The following EPB41L4A variants were observed in gnomAD, a reference collection of about 807,000 sequenced individuals.
The protein encoded by EPB41L4A is erythrocyte membrane protein band 4.1 like 4A, also known as band 4.1-like protein 4A.
In EPB41L4A, 100 loss-of-function variants were observed where a neutral mutation model predicts 108.6. The observed-to-expected ratio is 0.92, with a 90% CI of 0.78 to 1.09. EPB41L4A has a LOEUF of 1.09. Among genes scored for constraint, EPB41L4A ranks in the 50% least tolerant of loss-of-function variants. The pLI, the probability that EPB41L4A is intolerant of heterozygous loss-of-function variation, is 0.00. For missense variants in EPB41L4A, 1,030 were observed against 842.7 expected, an observed-to-expected ratio of 1.22 and a Z score of -2.75; for synonymous variants, 319 against 289.0, an observed-to-expected ratio of 1.10 and a Z score of -1.05.
intron 16 of EPB41L4A, 67 bp downstream of exon 16, chr5:112,195,594 C>G (rs1433675022): frequency 3.7e-6 from 5 of 1,367,810 alleles, no homozygotes; most frequent in Non-Finnish European, 5.2e-6. Context: ...CTTTCCTTAA[C>G]TCTGAGCATT....
intron 3 of EPB41L4A, among the ~76,000 whole-genome samples, chr5:112,278,522 G>A (rs1043833429): frequency 6.6e-6 from 1 of 151,874 alleles, no homozygotes; most frequent in African/African-American, 2.4e-5. Flanking sequence ...AAACTGCTGG[G>A]ATTACAGGCA....
chr5:112,416,503 T>C (rs1188236982), intron 1 of EPB41L4A, among the ~76,000 whole-genome samples: 1 of 152,048 alleles, frequency 6.6e-6, no homozygotes, highest in Non-Finnish European at 1.5e-5. Flanking sequence ...TTTTGAAAAA[T>C]AGAGATTTTT....
intron 1 of EPB41L4A, among the ~76,000 whole-genome samples, chr5:112,400,565 G>A (rs1347795857): frequency 6.6e-6 from 1 of 152,020 alleles, no homozygotes; most frequent in Non-Finnish European, 1.5e-5. Flanking sequence ...AGAGGGAGGT[G>A]CCACACACTT....
Position 112,288,621 on chromosome 5 carries a change from T to C in EPB41L4A, c.205-8298A>G, listed in dbSNP as rs559447023. On this transcript the variant is annotated intron_variant, in intron 2 of 22. Coordinates refer to ENST00000261486, the MANE Select transcript of EPB41L4A (RefSeq NM_022140.5). ...AAAACTAGTATTATGGACTAGTAAT[T>C]GTTGTGTGCCTCCTGTTTTGCCCCT... 5.4e-4 allele frequency among the ~76,000 whole-genome samples: 82 copies of C among 152,272 alleles called. No individual in the cohort carries two copies. In the South Asian group the frequency reaches 0.017, roughly 31 times the overall value.
intron 1 of EPB41L4A, among the ~76,000 whole-genome samples, chr5:112,326,928 T>G (rs1756203130): frequency 6.6e-6 from 1 of 152,180 alleles, no homozygotes; most frequent in South Asian, 2.1e-4. Flanking sequence ...AAATATTCAC[T>G]GATCACCTAC....
At chr5:112,309,446 C>G (rs1381526544) in intron 1 of EPB41L4A, among the ~76,000 whole-genome samples, 3 of 152,114 alleles carry the variant, frequency 2.0e-5, no homozygotes, top group Admixed American at 6.5e-5. Flanking sequence ...ATTGACAGAC[C>G]AGATGACGTG....
intron 12 of EPB41L4A, among the ~76,000 whole-genome samples, chr5:112,152,798 A>G (rs1213532597): frequency 6.6e-6 from 1 of 152,264 alleles, no homozygotes; most frequent in African/African-American, 2.4e-5. Flanking sequence ...ATGTGAAATC[A>G]TGAAGAAAAA....
At chr5:112,291,608 C>T (rs936851034) in intron 2 of EPB41L4A, among the ~76,000 whole-genome samples, 3 of 152,196 alleles carry the variant, frequency 2.0e-5, no homozygotes, top group Non-Finnish European at 2.9e-5. Flanking sequence ...TAAGACCTTT[C>T]CCTGTGTTCA....
At chr5:112,330,878 G>T (rs748137679) in intron 1 of EPB41L4A, among the ~76,000 whole-genome samples, 12 of 152,160 alleles carry the variant, frequency 7.9e-5, no homozygotes, top group Non-Finnish European at 1.3e-4. Context: ...CAGTTAGGAG[G>T]ATGGAGTGTG....
rs538800952 is a variant in EPB41L4A, at chr5:112,162,873, C to A, written c.*2117G>T. ...GGAATGACATATACAGAGGCTTGGGCTAGAAAAAAGATACCGTTAGTCCAC... is the reference window on the plus strand; with the variant it reads ...GGAATGACATATACAGAGGCTTGGGATAGAAAAAAGATACCGTTAGTCCAC... On this transcript the variant is annotated 3_prime_UTR_variant, in exon 23 of 23. Coordinates refer to ENST00000261486, the MANE Select transcript of EPB41L4A (RefSeq NM_022140.5). The A allele has an allele frequency of 6.6e-6, 1 of 152,268 alleles. No homozygotes were observed. Among genetic ancestry groups the A allele is most frequent in the Admixed American group, 6.5e-5 (1 of 15,302 alleles). 9.4% of individuals were successfully genotyped at this position (152,268 alleles called of 1,614,324 possible). A position where few individuals can be genotyped will look rare whatever the true frequency, so the allele number is the denominator to read the frequency against.
intron 1 of EPB41L4A, among the ~76,000 whole-genome samples, chr5:112,394,067 C>T (rs1761155809): frequency 6.6e-6 from 1 of 152,136 alleles, no homozygotes; most frequent in Non-Finnish European, 1.5e-5. Flanking sequence ...TCTCAATAAA[C>T]TAGGTATTGA....
intron 1 of EPB41L4A, among the ~76,000 whole-genome samples, chr5:112,382,134 T>C (rs990745610): frequency 6.6e-6 from 1 of 152,244 alleles, no homozygotes; most frequent in Non-Finnish European, 1.5e-5. Context: ...TTAACATCCA[T>C]TCTGGCTTTT....
At chr5:112,178,403 A>G (rs2150222561) in intron 18 of EPB41L4A, among the ~76,000 whole-genome samples, 1 of 152,264 alleles carries the variant, frequency 6.6e-6, no homozygotes, top group South Asian at 2.1e-4. Flanking sequence ...TGAAAAGTAG[A>G]TGAAGAAATA....
At chr5:112,410,613 C>A (rs1186423089) in intron 1 of EPB41L4A, among the ~76,000 whole-genome samples, 1 of 152,106 alleles carries the variant, frequency 6.6e-6, no homozygotes, top group East Asian at 1.9e-4. Context: ...CCACAACTCT[C>A]CTCCTTCCTT....
intron 12 of EPB41L4A, among the ~76,000 whole-genome samples, chr5:112,225,119 C>G (rs1219005558): frequency 6.6e-6 from 1 of 152,206 alleles, no homozygotes; most frequent in Non-Finnish European, 1.5e-5. Flanking sequence ...AAGTGATTCT[C>G]ATCCAGACAT....
chr5:112,291,216 G>A (rs1429973999), intron 2 of EPB41L4A, among the ~76,000 whole-genome samples: 1 of 152,118 alleles, frequency 6.6e-6, no homozygotes, highest in African/African-American at 2.4e-5. Context: ...ATGTTATGGG[G>A]GCCCTGCCCA....
rs76010084 is a variant in EPB41L4A at position 112,177,504 on chromosome 5, C to T, written c.1622+6512G>A. On this transcript the variant is annotated intron_variant, in intron 18 of 22. Coordinates refer to ENST00000261486, the MANE Select transcript of EPB41L4A (RefSeq NM_022140.5). ...TGCCATCTAGGGTCATATATTCACA[C>T]ATTATGGAGATTAAGCCATGGACAT... Among the ~76,000 whole-genome samples the T allele has an allele frequency of 4.1e-3, 619 of 152,300 alleles. 8 individuals are homozygous for T. The highest frequency in any genetic ancestry group is 0.014 in the African/African-American group (579 of 41,556).
rs1271878726 is a variant in EPB41L4A, at chr5:112,195,664, C to T, written c.1421G>A (p.Arg474Lys). The part of the protein sequence containing the change: ...SGEDSDLKQR[R>K]RSRSRCNTSS... ...CCTTCCATTTTTGTTTTTTTACCTC[C>T]TCCTTTGCTTAAGATCTGAATCTTC... is the stretch of plus-strand genomic sequence containing the variant. Residue 474 changes from arginine to lysine, a missense_variant, in exon 16 of 23, where the codon AGG becomes AAG. By Grantham distance (26) the Arg-to-Lys change is conservative. Transcript: ENST00000261486. The T allele has an allele frequency of 1.9e-6, 3 of 1,613,176 alleles. No individual in the cohort carries two copies. The highest frequency in any genetic ancestry group is 2.5e-6 in the Non-Finnish European group (3 of 1,179,482).
chr5:112,400,422 T>C (rs546136953), intron 1 of EPB41L4A, among the ~76,000 whole-genome samples: 20 of 152,256 alleles, frequency 1.3e-4, no homozygotes, highest in African/African-American at 3.6e-4. Context: ...CTTACAGTTC[T>C]ACAGGCAGTA....
Sources: allele counts gnomAD v4.1 joint callset (sites outside exome capture counted in the v4.1 genomes callset), GRCh38; gene constraint gnomAD v4.1.1; transcripts MANE v1.5; gene names NCBI Gene and HGNC (gene_info 2026-07-23, HGNC 2026-07-21).